Variants in SYT1 observed in about 807,000 individuals in gnomAD.
SYT1 encodes the protein synaptotagmin 1, also known as synaptotagmin-1.
A neutral mutation model predicts 44.8 loss-of-function variants in SYT1; 8 were observed. That is an observed-to-expected ratio of 0.18 (90% CI 0.10 to 0.32). The LOEUF (loss-of-function observed/expected upper bound fraction) is 0.32, where lower values mean the gene tolerates loss of function less well. Ranked by LOEUF, SYT1 falls within the 10% of genes least tolerant of loss-of-function variation. SYT1 has a pLI of 1.00. For synonymous variants in SYT1, 154 were observed against 188.8 expected, an observed-to-expected ratio of 0.82 and a Z score of 1.51; for missense variants, 286 against 509.3, an observed-to-expected ratio of 0.56 and a Z score of 4.22.
intron 4 of SYT1, among the ~76,000 whole-genome samples, chr12:79,263,041 A>G (rs1418557484): frequency 3.9e-5 from 6 of 152,214 alleles, no homozygotes; most frequent in African/African-American, 1.4e-4. Flanking sequence ...ATGGTCGCTT[A>G]CTGCCCCCTC....
chr12:78,865,096 G>A lies in SYT1; in HGVS notation c.-230G>A, dbSNP rs1211584547. 1 of 152,208 alleles carries A rather than the reference G, an allele frequency of 6.6e-6. No homozygotes were observed. The allele number at this position is 152,208 out of a possible 1,614,324, so 9.4% of individuals were successfully genotyped here. ...GGACCGAGACCCGGCACCACCTCCC[G>A]GTCCGCCCTCCAGGTAAGGAAGCGG... On this transcript the variant is annotated 5_prime_UTR_variant, in exon 1 of 11. Transcript: ENST00000261205.
intron 9 of SYT1, among the ~76,000 whole-genome samples, chr12:79,436,306 G>GA (rs1489206135): frequency 6.6e-6 from 1 of 151,922 alleles, no homozygotes; most frequent in Non-Finnish European, 1.5e-5. Context: ...ATTATCCAAA[G>GA]AAAAAAGGAT....
intron 3 of SYT1, among the ~76,000 whole-genome samples, chr12:79,127,051 CT>C (rs2138159511): frequency 6.6e-6 from 1 of 152,314 alleles, no homozygotes; most frequent in Non-Finnish European, 1.5e-5. Context: ...TTGTCTCACA[CT>C]GTTAAAATGT....
intron 4 of SYT1, among the ~76,000 whole-genome samples, chr12:79,253,147 CTA>C (rs1240361492): frequency 3.9e-5 from 6 of 152,086 alleles, no homozygotes; most frequent in African/African-American, 1.4e-4. Context: ...AAGAAAAAAA[CTA>C]TAAGCTTGCC....
chr12:78,876,898 T>TATATATATTATATATAATACGTATA (rs1874192933), intron 1 of SYT1, among the ~76,000 whole-genome samples: 4 of 17,116 alleles, frequency 2.3e-4, no homozygotes, highest in African/African-American at 2.9e-4. Context: ...TAATATATAT[T>TATATATATTATATATAATACGTATA]ATATATTATA....
At chr12:78,918,812 A>G (rs902659264) in intron 1 of SYT1, among the ~76,000 whole-genome samples, 5 of 152,120 alleles carry the variant, frequency 3.3e-5, no homozygotes, top group African/African-American at 1.2e-4. Flanking sequence ...ACAAAGAAAT[A>G]TCATGCATTT....
chr12:79,073,020 A>G (rs527331356), intron 3 of SYT1, among the ~76,000 whole-genome samples: 50 of 152,344 alleles, frequency 3.3e-4, no homozygotes, highest in African/African-American at 1.2e-3. Context: ...ATAATTAAAC[A>G]ATGAATAAGT....
intron 4 of SYT1, among the ~76,000 whole-genome samples, chr12:79,271,762 T>C (rs1193687008): frequency 6.6e-6 from 1 of 152,218 alleles, no homozygotes; most frequent in Non-Finnish European, 1.5e-5. Context: ...TATTTCTAAA[T>C]GATTCCAAGT....
chr12:78,880,478 A>T (rs1874392795), intron 1 of SYT1, among the ~76,000 whole-genome samples: 1 of 151,406 alleles, frequency 6.6e-6, no homozygotes, highest in Non-Finnish European at 1.5e-5. Flanking sequence ...CCTCCCTTTG[A>T]TCATTAGACT....
At chr12:79,266,918 G>C (rs1878161434) in intron 4 of SYT1, among the ~76,000 whole-genome samples, 2 of 152,150 alleles carry the variant, frequency 1.3e-5, no homozygotes, top group African/African-American at 4.8e-5. Context: ...ACTTTGTATA[G>C]TAATGAAATT....
At chr12:79,151,809 T>C (rs1870289858) in intron 3 of SYT1, among the ~76,000 whole-genome samples, 1 of 152,110 alleles carries the variant, frequency 6.6e-6, no homozygotes, top group Non-Finnish European at 1.5e-5. Flanking sequence ...TGTAATATTA[T>C]CATTTGTCCC....
At chr12:79,145,699 A>G (rs531569427) in intron 3 of SYT1, among the ~76,000 whole-genome samples, 1 of 152,212 alleles carries the variant, frequency 6.6e-6, no homozygotes, top group Admixed American at 6.5e-5. Flanking sequence ...TTCAAACCCA[A>G]ATAGTTGGAC....
chr12:79,201,202 T>C (rs922055789), intron 3 of SYT1, among the ~76,000 whole-genome samples: 4 of 152,144 alleles, frequency 2.6e-5, no homozygotes, highest in Non-Finnish European at 5.9e-5. Flanking sequence ...GGCTTGTAAA[T>C]AGTTGACTAC....
chr12:78,966,793 A>C (rs1868259577), intron 1 of SYT1, among the ~76,000 whole-genome samples: 1 of 152,252 alleles, frequency 6.6e-6, no homozygotes, highest in South Asian at 2.1e-4. Context: ...GCATACCAAA[A>C]AGTTAATATT....
intron 3 of SYT1, among the ~76,000 whole-genome samples, chr12:79,115,937 C>A (rs1879251926): frequency 6.6e-6 from 1 of 152,156 alleles, no homozygotes; most frequent in African/African-American, 2.4e-5. Flanking sequence ...TTTCTCACTT[C>A]CCCACACCCT....
At chr12:79,317,115 G>C (rs188745563) in intron 8 of SYT1, among the ~76,000 whole-genome samples, 3 of 152,140 alleles carry the variant, frequency 2.0e-5, no homozygotes, top group African/African-American at 7.2e-5. Context: ...ATTTTATGGG[G>C]GGAAAACAAT....
At chr12:79,064,492 T>G (rs1353722322) in intron 3 of SYT1, among the ~76,000 whole-genome samples, 2 of 152,150 alleles carry the variant, frequency 1.3e-5, no homozygotes, top group Non-Finnish European at 2.9e-5. Context: ...TCAAAGTCTA[T>G]TTTTCTTATT....
At chr12:79,043,088 A>G (rs1219597691) in intron 2 of SYT1, among the ~76,000 whole-genome samples, 3 of 150,202 alleles carry the variant, frequency 2.0e-5, no homozygotes, top group African/African-American at 4.9e-5. Flanking sequence ...GGTGCTGAAA[A>G]AAATGTATAT....
At chr12:79,040,883 C>T (rs1236743319) in intron 2 of SYT1, among the ~76,000 whole-genome samples, 5 of 149,904 alleles carry the variant, frequency 3.3e-5, no homozygotes, top group Non-Finnish European at 7.5e-5. Flanking sequence ...AATAGGGAAT[C>T]CTTTCCCCAT....
Sources: allele counts gnomAD v4.1 joint callset (sites outside exome capture counted in the v4.1 genomes callset), GRCh38; gene constraint gnomAD v4.1.1; transcripts MANE v1.5; gene names NCBI Gene and HGNC (gene_info 2026-07-23, HGNC 2026-07-21).